The following PIP4K2B variants were observed in gnomAD, a reference collection of about 807,000 sequenced individuals.
The protein encoded by PIP4K2B is phosphatidylinositol-5-phosphate 4-kinase type 2 beta, also known as phosphatidylinositol 5-phosphate 4-kinase type-2 beta.
In PIP4K2B, 3 loss-of-function variants were observed where a neutral mutation model predicts 42.0. The ratio of observed to expected loss-of-function variants is 0.07; its 90% CI spans 0.03 to 0.18. The LOEUF is 0.18. Among genes scored for constraint, PIP4K2B ranks in the 10% least tolerant of loss-of-function variants. The pLI, the probability that PIP4K2B is intolerant of heterozygous loss-of-function variation, is 1.00. For missense variants in PIP4K2B, 332 were observed against 562.3 expected (o/e 0.59, Z 4.14); for synonymous variants, 204 against 210.1 (o/e 0.97, Z 0.25).
At chr17:38,790,554 G>A (rs1910290244) in intron 1 of PIP4K2B, among the ~76,000 whole-genome samples, 1 of 152,196 alleles carries the variant, frequency 6.6e-6, no homozygotes, top group Admixed American at 6.5e-5. Flanking sequence ...TGCCTCCTGG[G>A]TTCAAGCGAT....
chr17:38,795,079 G>A (rs1468652165), intron 1 of PIP4K2B, among the ~76,000 whole-genome samples: 4 of 107,024 alleles, frequency 3.7e-5, no homozygotes, highest in East Asian at 6.3e-4. Context: ...CAGCCAGGGC[G>A]ACAGAGCAAA....
chr17:38,793,238 G>A (rs1910434756), intron 1 of PIP4K2B, among the ~76,000 whole-genome samples: 1 of 143,452 alleles, frequency 7.0e-6, no homozygotes, highest in Non-Finnish European at 1.5e-5. Context: ...CATCTCTGAA[G>A]ATTTTTTCTT....
chr17:38,774,062 G>A (rs989616148), intron 7 of PIP4K2B, among the ~76,000 whole-genome samples: 4 of 152,208 alleles, frequency 2.6e-5, no homozygotes, highest in East Asian at 1.9e-4. Flanking sequence ...CTAGCAAAAC[G>A]AAGTTTATGA....
At chr17:38,788,691 T>TA (rs1026410072) in intron 1 of PIP4K2B, among the ~76,000 whole-genome samples, 3 of 150,790 alleles carry the variant, frequency 2.0e-5, no homozygotes, top group Non-Finnish European at 3.0e-5. Flanking sequence ...ACCCTATCTC[T>TA]AAAAAAAATA....
intron 1 of PIP4K2B, among the ~76,000 whole-genome samples, chr17:38,794,169 T>C (rs1175688098): frequency 6.6e-6 from 1 of 152,218 alleles, no homozygotes. Context: ...AAGGAAATTC[T>C]GCTATGTGCA....
intron 1 of PIP4K2B, among the ~76,000 whole-genome samples, chr17:38,790,785 C>T (rs1325646452): frequency 1.3e-5 from 2 of 152,172 alleles, no homozygotes; most frequent in Admixed American, 1.3e-4. Context: ...ACTCAGCTAA[C>T]ATTGGTGAAC....
intron 7 of PIP4K2B, among the ~76,000 whole-genome samples, chr17:38,775,053 C>A (rs1009562723): frequency 5.9e-5 from 9 of 151,680 alleles, no homozygotes; most frequent in Non-Finnish European, 1.3e-4. Context: ...GGGTTCATGC[C>A]ATTCTCCTGC....
Position 38,767,363 on chromosome 17 carries a change from G to A in PIP4K2B, c.*2328C>T, listed in dbSNP as rs959135029. The A allele has an allele frequency of 1.3e-5, 2 of 151,470 alleles. No homozygotes were observed. The highest frequency in any genetic ancestry group is 2.1e-4 in the South Asian group (1 of 4,746). 9.4% of individuals were successfully genotyped at this position (151,470 alleles called of 1,614,324 possible). A position where few individuals can be genotyped will look rare whatever the true frequency, so the allele number is the denominator to read the frequency against. ...AATTGGGGGCCAAACTCAAGGTTTT[G>A]AAGATAGCACAGCGAATGACCTTTA... On this transcript the variant is annotated 3_prime_UTR_variant, in exon 10 of 10. Coordinates refer to ENST00000619039, the MANE Select transcript of PIP4K2B (RefSeq NM_003559.5).
At position 38,784,258 on chromosome 17, in the gene PIP4K2B, A is replaced by G. The variant is rs1354373338; in HGVS notation, c.339T>C (p.Asp113=). ...GCCTCCATACCTGGTAATCCTGATC[A>G]TCAATTCCAAACCTCTCCCGAAGGT... ...FRNLRERFGI[D]DQDYQNSVTR... The change falls in exon 3 of 10, where the codon GAT becomes GAC. Residue 113 remains aspartate (D), a synonymous_variant. Coordinates refer to ENST00000619039, the MANE Select transcript of PIP4K2B (RefSeq NM_003559.5). 4.3e-6 allele frequency: 7 copies of G among 1,610,280 alleles called. No homozygotes were observed. In the African/African-American group the frequency reaches 8.0e-5, roughly 18 times the overall value.
At chr17:38,770,626 C>T in intron 8 of PIP4K2B, 87 bp from the exon 9 acceptor site, 2 of 775,908 alleles carry the variant, frequency 2.6e-6, no homozygotes, top group Non-Finnish European at 4.6e-6. Flanking sequence ...CCCCCAGACA[C>T]AAGGCTCAGC....
intron 7 of PIP4K2B, among the ~76,000 whole-genome samples, chr17:38,772,801 A>G (rs1257134351): frequency 1.3e-5 from 2 of 152,134 alleles, no homozygotes; most frequent in African/African-American, 4.8e-5. Flanking sequence ...GCTGGTCTCG[A>G]GCTCCTGACC....
chr17:38,783,195 CAAAAAA>C (rs35913511), intron 3 of PIP4K2B, among the ~76,000 whole-genome samples: 1 of 55,922 alleles, frequency 1.8e-5, no homozygotes, highest in Non-Finnish European at 2.9e-5. Flanking sequence ...AACTCCATCT[CAAAAAA>C]AAAAAAAAAA....
intron 7 of PIP4K2B, among the ~76,000 whole-genome samples, 181 bp downstream of exon 7, chr17:38,777,506 G>A (rs892019331): frequency 1.3e-5 from 2 of 152,196 alleles, no homozygotes; most frequent in Non-Finnish European, 2.9e-5. Context: ...ACTATGCTCC[G>A]TCAGGTGGAA....
chr17:38,790,861 T>C (rs900960398), intron 1 of PIP4K2B, among the ~76,000 whole-genome samples: 1 of 152,208 alleles, frequency 6.6e-6, no homozygotes, highest in Admixed American at 6.5e-5. Context: ...GATGATTCAC[T>C]GTAGGGATTA....
chr17:38,780,773 C>T (rs1309206722), intron 3 of PIP4K2B, among the ~76,000 whole-genome samples, 169 bp from the exon 4 acceptor site: 1 of 152,170 alleles, frequency 6.6e-6, no homozygotes, highest in African/African-American at 2.4e-5. Flanking sequence ...TCACATCCCT[C>T]CCTAAGTCTT....
At chr17:38,789,625 C>A (rs1910237918) in intron 1 of PIP4K2B, among the ~76,000 whole-genome samples, 1 of 152,174 alleles carries the variant, frequency 6.6e-6, no homozygotes, top group Admixed American at 6.5e-5. Flanking sequence ...TTTTATGTTA[C>A]AAACCTTTTT....
intron 1 of PIP4K2B, among the ~76,000 whole-genome samples, chr17:38,797,075 G>C (rs1412817073): frequency 5.3e-5 from 8 of 152,236 alleles, no homozygotes; most frequent in African/African-American, 1.9e-4. Context: ...GTCCAGGGCA[G>C]TGGTGGGAAG....
chr17:38,775,980 CT>C (rs562942370), intron 7 of PIP4K2B: 53,884 of 336,496 alleles, frequency 0.16, 32 homozygotes, highest in South Asian at 0.24. Context: ...TGTTTGCTTC[CT>C]TTTTTTTTTT....
At position 38,771,144 on chromosome 17, in the gene PIP4K2B, C is replaced by T. The variant is rs766482279; in HGVS notation, c.936G>A (p.Val312=). 1.2e-6 allele frequency: 2 copies of T among 1,614,098 alleles called. No homozygotes were observed. The highest frequency in any genetic ancestry group is 1.7e-6 in the Non-Finnish European group (2 of 1,180,012). The change falls in exon 8 of 10, where the codon GTG becomes GTA. Residue 312 remains valine (V), a synonymous_variant. Coordinates refer to ENST00000619039, the MANE Select transcript of PIP4K2B (RefSeq NM_003559.5). ...AEDEECENDG[V]GGNLLCSYGT... ...CATAGGAGCAGAGTAGGTTGCCACC[C>T]ACCCCATCATTCTCACACTCCTCGT... is the stretch of plus-strand genomic sequence containing the variant.
Sources: gnomAD v4.1 joint callset for allele counts (sites outside exome capture counted in the v4.1 genomes callset) on GRCh38, gnomAD v4.1.1 for gene constraint, MANE v1.5 for transcripts, NCBI Gene and HGNC (gene_info 2026-07-23, HGNC 2026-07-21) for gene names.